The following UMODL1 variants were observed in gnomAD, a reference collection of about 807,000 sequenced individuals.
UMODL1 encodes uromodulin-like 1.
UMODL1 carries 128 observed loss-of-function variants against 136.3 expected under a neutral mutation model. The ratio of observed to expected loss-of-function variants is 0.94; its 90% CI spans 0.81 to 1.09. The LOEUF is 1.09. Ranked by LOEUF, UMODL1 falls within the 50% of genes least tolerant of loss-of-function variation. UMODL1 has a pLI of 0.00. For synonymous variants in UMODL1, 721 were observed against 720.0 expected, an observed-to-expected ratio of 1.00 and a Z score of -0.02; for missense variants, 1,766 against 1,725.6, an observed-to-expected ratio of 1.02 and a Z score of -0.41.
chr21:42,091,623 A>G (rs1445713729), intron 6 of UMODL1, among the ~76,000 whole-genome samples: 1 of 152,228 alleles, frequency 6.6e-6, no homozygotes, highest in East Asian at 1.9e-4. Flanking sequence ...TTCAGTGAAG[A>G]AGAGGAAAAA....
chr21:42,072,596 A>G (rs2066243871), intron 1 of UMODL1, among the ~76,000 whole-genome samples: 1 of 152,122 alleles, frequency 6.6e-6, no homozygotes, highest in Admixed American at 6.5e-5. Context: ...GTCGCCCCGA[A>G]TTTTCCCTGT....
At chr21:42,112,089 C>CGATCAGT (rs2066839830) in intron 12 of UMODL1, among the ~76,000 whole-genome samples, 1 of 151,922 alleles carries the variant, frequency 6.6e-6, no homozygotes. Flanking sequence ...GTCCCGGCCC[C>CGATCAGT]GATCAGTGTG....
In UMODL1 at chr21:42,129,824, T is replaced by G. The variant is rs770695534; in HGVS notation, c.3775+27T>G. On this transcript the variant is annotated intron_variant, in intron 21 of 22. Coordinates refer to ENST00000408910, the MANE Select transcript of UMODL1 (RefSeq NM_001004416.3). ...TGAGTTGATGACTTGGTTTAGACAATGAAAGAAAAGATGCAACCGATTCCT... is the reference window on the plus strand; with the variant it reads ...TGAGTTGATGACTTGGTTTAGACAAGGAAAGAAAAGATGCAACCGATTCCT... The G allele has an allele frequency of 2.7e-6, 4 of 1,502,018 alleles. No individual in the cohort carries two copies. In the South Asian group the frequency reaches 5.4e-5, roughly 20 times the overall value. 93.0% of individuals were successfully genotyped at this position (1,502,018 alleles called of 1,614,324 possible). A position where few individuals can be genotyped will look rare whatever the true frequency, so the allele number is the denominator to read the frequency against.
chr21:42,130,273 G>A (rs2123377461), intron 21 of UMODL1, among the ~76,000 whole-genome samples: 1 of 151,986 alleles, frequency 6.6e-6, no homozygotes, highest in Admixed American at 6.6e-5. Context: ...CATGCACAAG[G>A]AAAAGCTATT....
At chr21:42,132,065 G>A (rs2067140969) in intron 21 of UMODL1, among the ~76,000 whole-genome samples, 1 of 152,228 alleles carries the variant, frequency 6.6e-6, no homozygotes, top group Admixed American at 6.5e-5. Context: ...TTGATTATAG[G>A]CTCTGACACT....
At chr21:42,075,351 G>A (rs1405503326) in intron 1 of UMODL1, among the ~76,000 whole-genome samples, 1 of 152,124 alleles carries the variant, frequency 6.6e-6, no homozygotes, top group Admixed American at 6.5e-5. Context: ...GAGCCACCAC[G>A]CCCGGCCTGA....
chr21:42,133,334 C>CA (rs2067157812), intron 21 of UMODL1, among the ~76,000 whole-genome samples: 1 of 152,206 alleles, frequency 6.6e-6, no homozygotes, highest in Admixed American at 6.5e-5. Context: ...GAGAACAACT[C>CA]AGAGATTTTA....
chr21:42,101,922 G>A, intron 7 of UMODL1: 1 of 416,100 alleles, frequency 2.4e-6, no homozygotes, highest in Non-Finnish European at 4.6e-6. Flanking sequence ...AGTTCCCGTG[G>A]GTATGGGCTG....
At chr21:42,092,765 C>T (rs756026048) in intron 6 of UMODL1, among the ~76,000 whole-genome samples, 8 of 152,216 alleles carry the variant, frequency 5.3e-5, no homozygotes, top group East Asian at 1.9e-4. Context: ...CCGCACTTCA[C>T]GCGCTCTGGG....
chr21:42,122,212 G>C lies in UMODL1; in HGVS notation c.2828-619G>C, dbSNP rs972199282. 6.6e-6 allele frequency among the ~76,000 whole-genome samples: 1 copy of C among 152,204 alleles called. No individual in the cohort carries two copies. The highest frequency in any genetic ancestry group is 1.5e-5 in the Non-Finnish European group (1 of 68,038). On this transcript the variant is annotated intron_variant, in intron 16 of 22. Coordinates refer to ENST00000408910, the MANE Select transcript of UMODL1 (RefSeq NM_001004416.3). The surrounding 1 kb of genome is among the most constrained non-coding windows in gnomAD (Gnocchi z 4.3). ...GAGGGTGGAGGGCACGTGCGGAGCT[G>C]TGTCTGGGGTCTGCTTCCATATAGA...
At position 42,113,596 on chromosome 21, in the gene UMODL1, A is replaced by G. The variant is rs1341692691; in HGVS notation, c.2128A>G (p.Met710Val). ...ACVPVSIGRI[M>V]VSNVTSTGFH... Reference sequence around the variant, plus strand: ...AGTTCCTGTCTCCATTGGGAGGATCATGGTCTCCAATGTGACCAGCACCGG... The same window carrying G: ...AGTTCCTGTCTCCATTGGGAGGATCGTGGTCTCCAATGTGACCAGCACCGG... The change falls in exon 13 of 23, where the codon ATG (methionine) becomes GTG (valine). Residue 710 changes from methionine to valine, a missense_variant. By Grantham distance (21) the Met-to-Val change is conservative. Coordinates refer to ENST00000408910, the MANE Select transcript of UMODL1 (RefSeq NM_001004416.3). 4 of 1,613,938 alleles carry G rather than the reference A, an allele frequency of 2.5e-6. No individual in the cohort carries two copies. Among genetic ancestry groups the G allele is most frequent in the Admixed American group, 3.3e-5 (2 of 60,020 alleles).
intron 22 of UMODL1, among the ~76,000 whole-genome samples, chr21:42,139,097 G>C (rs1753902477): frequency 6.6e-6 from 1 of 152,166 alleles, no homozygotes; most frequent in South Asian, 2.1e-4. Flanking sequence ...GAGCTCGAGA[G>C]GTGGAGGTTG....
chr21:42,121,017 C>A, intron 15 of UMODL1, 70 bp from the exon 16 acceptor site: 5 of 1,551,148 alleles, frequency 3.2e-6, no homozygotes, highest in Non-Finnish European at 4.4e-6. Context: ...CACTCTCCCC[C>A]AACCAGGCTG....
chr21:42,112,113 A>G (rs1022739041), intron 12 of UMODL1, among the ~76,000 whole-genome samples: 2 of 141,980 alleles, frequency 1.4e-5, no homozygotes, highest in African/African-American at 2.5e-5. Flanking sequence ...ACACCCCCAC[A>G]ACAACTCTGC....
At chr21:42,137,175 C>G (rs565238055) in intron 21 of UMODL1, among the ~76,000 whole-genome samples, 2 of 152,246 alleles carry the variant, frequency 1.3e-5, no homozygotes, top group Non-Finnish European at 2.9e-5. Context: ...GGCTCTCCCC[C>G]TCCCACCAGG....
At chr21:42,062,982 G>C (rs1420353449) in exon 1 of UMODL1, 2 of 152,270 alleles carry the variant, frequency 1.3e-5, no homozygotes, top group African/African-American at 2.4e-5. Context: ...TGGAGGCTGC[G>C]AGGGAGAAAC....
Position 42,123,040 on chromosome 21 carries a change from C to T in UMODL1, c.3037C>T (p.Pro1013Ser), listed in dbSNP as rs1300686456. Residue 1013 changes from proline (P) to serine (S), a missense_variant, in exon 17 of 23, where the codon CCC becomes TCC. Physicochemically the swap from Pro to Ser is moderately conservative, Grantham distance 74. Transcript: ENST00000408910. The surrounding 1 kb of genome is among the most constrained non-coding windows in gnomAD (Gnocchi z 4.4). ...QKRFLQQESI[P>S]ESSLYLSHPS... The stretch of plus-strand genomic sequence containing the variant: ...GCGCTTCCTGCAGCAGGAATCCATC[C>T]CCGAGTCCTCGTTGTACCTCAGCCA... 6.2e-7 allele frequency: 1 copy of T among 1,614,118 alleles called. No homozygotes were observed.
chr21:42,075,248 G>A (rs960836644), intron 1 of UMODL1, among the ~76,000 whole-genome samples: 10 of 151,854 alleles, frequency 6.6e-5, no homozygotes, highest in East Asian at 1.9e-4. Flanking sequence ...AGATGGGGGG[G>A]GGGTTTCACC....
At chr21:42,086,359 A>C (rs2066426654) in intron 4 of UMODL1, among the ~76,000 whole-genome samples, 1 of 152,232 alleles carries the variant, frequency 6.6e-6, no homozygotes, top group African/African-American at 2.4e-5. Flanking sequence ...CTTGGTGTCA[A>C]ACCCAGGGTT....
Sources: gnomAD v4.1 joint callset for allele counts (sites outside exome capture counted in the v4.1 genomes callset) on GRCh38, gnomAD v4.1.1 for gene constraint, Gnocchi (gnomAD v3.1) non-coding constraint, MANE v1.5 for transcripts, NCBI Gene and HGNC (gene_info 2026-07-23, HGNC 2026-07-21) for gene names.